The following GLI3 variants were observed in gnomAD, a reference collection of about 807,000 sequenced individuals.
GLI3 encodes the protein GLI family zinc finger 3.
In GLI3, 20 loss-of-function variants were observed where a neutral mutation model predicts 100.8. That is an observed-to-expected ratio of 0.20 (90% CI 0.14 to 0.29). The LOEUF (loss-of-function observed/expected upper bound fraction) is 0.29, where lower values mean the gene tolerates loss of function less well. Ranked by LOEUF, GLI3 falls within the 10% of genes least tolerant of loss-of-function variation. The pLI is 1.00. For synonymous variants in GLI3, 938 were observed against 860.5 expected (o/e 1.09, Z -1.58); for missense variants, 2,040 against 2,128.5 (o/e 0.96, Z 0.82).
intron 1 of GLI3, among the ~76,000 whole-genome samples, chr7:42,236,765 G>A (rs1423927302): frequency 6.6e-6 from 1 of 152,240 alleles, no homozygotes; most frequent in Non-Finnish European, 1.5e-5. Flanking sequence ...GGACTCTTCG[G>A]AAAGGACCTT....
intron 3 of GLI3, among the ~76,000 whole-genome samples, chr7:42,106,209 T>C (rs1157091392): frequency 6.6e-6 from 1 of 152,198 alleles, no homozygotes; most frequent in Non-Finnish European, 1.5e-5. Context: ...GCAGTTTCCA[T>C]GCTGCTCACT....
chr7:42,199,657 G>C (rs570641996), intron 2 of GLI3, among the ~76,000 whole-genome samples: 1 of 152,304 alleles, frequency 6.6e-6, no homozygotes, highest in African/African-American at 2.4e-5. Flanking sequence ...CTAATAGCTG[G>C]ACAACATGGT....
intron 2 of GLI3, among the ~76,000 whole-genome samples, chr7:42,188,895 T>C (rs1562778667): frequency 6.6e-6 from 1 of 152,204 alleles, no homozygotes; most frequent in Non-Finnish European, 1.5e-5. Context: ...AACTACTCTG[T>C]ATAATACTAT....
At position 41,962,558 on chromosome 7, in the gene GLI3, C is replaced by T. The variant is rs1383841800; in HGVS notation, c.*1772G>A. 1 of 152,188 alleles carries T rather than the reference C, an allele frequency of 6.6e-6. No homozygotes were observed. Among genetic ancestry groups the T allele is most frequent in the Non-Finnish European group, 1.5e-5 (1 of 68,042 alleles). 9.4% of individuals were successfully genotyped at this position (152,188 alleles called of 1,614,324 possible). Reference sequence around the variant, plus strand: ...ATGGAAGGGGAATTGCAGTGTCCCTCTGCTTGTCTCAGGAACATCTAGTTG... The same window carrying T: ...ATGGAAGGGGAATTGCAGTGTCCCTTTGCTTGTCTCAGGAACATCTAGTTG... On this transcript the variant is annotated 3_prime_UTR_variant, in exon 15 of 15. Transcript: ENST00000395925.
chr7:42,081,837 C>T (rs1239761381), intron 3 of GLI3, among the ~76,000 whole-genome samples: 1 of 152,050 alleles, frequency 6.6e-6, no homozygotes, highest in Non-Finnish European at 1.5e-5. Flanking sequence ...CCAAATGATA[C>T]TTGAATGGTC....
intron 6 of GLI3, among the ~76,000 whole-genome samples, chr7:42,043,290 T>A (rs761120301): frequency 7.9e-5 from 12 of 152,240 alleles, no homozygotes; most frequent in Non-Finnish European, 1.8e-4. Context: ...AGGAAAAGAA[T>A]ATAGTGCCTT....
At chr7:42,248,852 G>A (rs1038105182) in intron 1 of GLI3, among the ~76,000 whole-genome samples, 1 of 151,692 alleles carries the variant, frequency 6.6e-6, no homozygotes, top group African/African-American at 2.4e-5. Flanking sequence ...GCAGTGGTGT[G>A]GTCACAGCTC....
At chr7:42,164,081 C>T (rs1413512845) in intron 2 of GLI3, among the ~76,000 whole-genome samples, 2 of 152,076 alleles carry the variant, frequency 1.3e-5, no homozygotes, top group Non-Finnish European at 2.9e-5. Context: ...CACCAAAATG[C>T]ATGCAAAAAC....
At position 41,978,693 on chromosome 7, in the gene GLI3, A is replaced by T. The variant is rs746202667; in HGVS notation, c.1553T>A (p.Leu518Gln). ...GEKKEFVCRW[L>Q]DCSREQKPFK... is the part of the protein sequence containing the mutation. ...GGGTTTCTGCTCTCTTGAGCAGTCC[A>T]GCCACCTGCACACGAACTCCTTCTT... The change falls in exon 11 of 15, where the codon CTG becomes CAG. Residue 518 changes from leucine (L) to glutamine (Q), a missense_variant. Physicochemically the swap from Leu to Gln is moderately radical, Grantham distance 113. Coordinates refer to ENST00000395925, the MANE Select transcript of GLI3 (RefSeq NM_000168.6). The T allele has an allele frequency of 1.2e-6, 2 of 1,613,440 alleles. No individual in the cohort carries two copies. Among genetic ancestry groups the T allele is most frequent in the Admixed American group, 3.3e-5 (2 of 60,016 alleles).
chr7:42,001,979 T>C (rs1788306815), intron 10 of GLI3, among the ~76,000 whole-genome samples: 1 of 152,180 alleles, frequency 6.6e-6, no homozygotes, highest in African/African-American at 2.4e-5. Context: ...ATTAAATGTA[T>C]AAGCAAAAAC....
chr7:41,990,120 C>T (rs1288660144), intron 10 of GLI3, among the ~76,000 whole-genome samples: 5 of 116,190 alleles, frequency 4.3e-5, no homozygotes, highest in Non-Finnish European at 7.2e-5. Context: ...TTAATGCTTG[C>T]TTACACACAC....
At chr7:42,243,891 T>G (rs1021279591) in intron 1 of GLI3, among the ~76,000 whole-genome samples, 9 of 152,198 alleles carry the variant, frequency 5.9e-5, no homozygotes, top group Non-Finnish European at 1.2e-4. Context: ...TGGAGGGTAG[T>G]GGTGCAATCT....
chr7:42,033,796 A>G (rs1490703669), intron 7 of GLI3, among the ~76,000 whole-genome samples: 2 of 152,054 alleles, frequency 1.3e-5, no homozygotes, highest in African/African-American at 2.4e-5. Flanking sequence ...ACATGCACAC[A>G]TGTGCTTCTA....
At chr7:42,200,334 G>A (rs1280368175) in intron 2 of GLI3, among the ~76,000 whole-genome samples, 1 of 152,218 alleles carries the variant, frequency 6.6e-6, no homozygotes, top group African/African-American at 2.4e-5. Flanking sequence ...TGAACAGACA[G>A]TGAACATTCA....
In GLI3 at chr7:42,113,488, A is replaced by T. The variant is rs1046107872; in HGVS notation, c.367+34738T>A. 1.6e-5 allele frequency: 14 copies of T among 853,100 alleles called. No individual in the cohort carries two copies. The African/African-American group carries it at 2.3e-4, about 14-fold the overall frequency. The allele number at this position is 853,100 out of a possible 1,614,324, so 52.8% of individuals were successfully genotyped here. A position where few individuals can be genotyped will look rare whatever the true frequency, so the allele number is the denominator to read the frequency against. On this transcript the variant is annotated intron_variant, in intron 3 of 14. Transcript: ENST00000395925. ...TCCTCCAAAGCCAGAGCAAGCCTAAAAAGGCCCCTGAGAAGGTACCCAAAG... is the reference window on the plus strand; with the variant it reads ...TCCTCCAAAGCCAGAGCAAGCCTAATAAGGCCCCTGAGAAGGTACCCAAAG...
At chr7:42,192,961 A>G (rs535990543) in intron 2 of GLI3, among the ~76,000 whole-genome samples, 1 of 152,320 alleles carries the variant, frequency 6.6e-6, no homozygotes, top group East Asian at 1.9e-4. Context: ...CACAGGCCCC[A>G]GGGGCCCAGC....
chr7:42,090,513 C>T (rs1179390005), intron 3 of GLI3, among the ~76,000 whole-genome samples: 1 of 152,196 alleles, frequency 6.6e-6, no homozygotes, highest in Non-Finnish European at 1.5e-5. Context: ...TCAACATAAA[C>T]ACCCAAGTTA....
chr7:42,203,150 G>A (rs950670020), intron 2 of GLI3, among the ~76,000 whole-genome samples: 1 of 152,124 alleles, frequency 6.6e-6, no homozygotes, highest in Admixed American at 6.5e-5. Flanking sequence ...TAAACATGAT[G>A]TTTGAAGTAT....
intron 3 of GLI3, among the ~76,000 whole-genome samples, chr7:42,116,341 CAG>C (rs1785855245): frequency 6.6e-6 from 1 of 152,056 alleles, no homozygotes; most frequent in Non-Finnish European, 1.5e-5. Flanking sequence ...ACCCAGGAAA[CAG>C]AGGGGAGAAG....
Sources: gnomAD v4.1 joint callset for allele counts (sites outside exome capture counted in the v4.1 genomes callset) on GRCh38, gnomAD v4.1.1 for gene constraint, MANE v1.5 for transcripts, NCBI Gene and HGNC (gene_info 2026-07-23, HGNC 2026-07-21) for gene names.